PCDH7: variants seen among roughly 807,000 people sequenced by gnomAD.
The protein encoded by PCDH7 is protocadherin 7.
A neutral mutation model predicts 58.9 loss-of-function variants in PCDH7; 17 were observed. The ratio of observed to expected loss-of-function variants is 0.29; its 90% confidence interval spans 0.20 to 0.43. PCDH7 has a LOEUF of 0.43. Ranked by LOEUF, PCDH7 falls within the 20% of genes least tolerant of loss-of-function variation. The pLI, the probability that PCDH7 is intolerant of heterozygous loss-of-function variation, is 1.00. For missense variants in PCDH7, 1,274 were observed against 1,441.0 expected (o/e 0.88, Z 1.88); for synonymous variants, 664 against 616.4 (o/e 1.08, Z -1.14).
intron 3 of PCDH7, among the ~76,000 whole-genome samples, chr4:31,070,312 T>C (rs954103): frequency 0.07 from 10,673 of 152,076 alleles, 535 homozygotes; most frequent in Middle Eastern, 0.12. Context: ...TGAAACAAAA[T>C]GGGCATAATT....
chr4:30,934,496 G>A (rs1158973524), intron 2 of PCDH7, among the ~76,000 whole-genome samples: 1 of 151,970 alleles, frequency 6.6e-6, no homozygotes, highest in Non-Finnish European at 1.5e-5. Flanking sequence ...ATTTTTGAAG[G>A]AGAATTAGAG....
At chr4:30,780,986 G>A (rs1212499057) in intron 1 of PCDH7, among the ~76,000 whole-genome samples, 1 of 152,088 alleles carries the variant, frequency 6.6e-6, no homozygotes, top group Non-Finnish European at 1.5e-5. Flanking sequence ...AAAAATGTAA[G>A]AGCCAAGTAA....
chr4:30,721,060 G>A lies in PCDH7; in HGVS notation c.-363G>A. 1 of 231,410 alleles carries A rather than the reference G, an allele frequency of 4.3e-6. No homozygotes were observed. Among genetic ancestry groups the A allele is most frequent in the Non-Finnish European group, 8.3e-6 (1 of 120,594 alleles). 14.3% of individuals were successfully genotyped at this position (231,410 alleles called of 1,614,324 possible). A position where few individuals can be genotyped will look rare whatever the true frequency, so the allele number is the denominator to read the frequency against. On this transcript the variant is annotated 5_prime_UTR_variant, in exon 1 of 2. Coordinates refer to ENST00000361762, the Ensembl canonical transcript of PCDH7. This position sits in a 1 kb window ranked among gnomAD's most constrained non-coding sequence, Gnocchi z 6.7. The stretch of plus-strand genomic sequence containing the variant: ...GACTAGAGCCGGGGATTCTCCGCCC[G>A]CTGAGGGGATGACTCTGGGTTGGGG...
chr4:30,918,568 A>G (rs1014813275), intron 1 of PCDH7, among the ~76,000 whole-genome samples: 2 of 152,172 alleles, frequency 1.3e-5, no homozygotes, highest in Non-Finnish European at 2.9e-5. Flanking sequence ...AATCCATAAC[A>G]TACATGCTAT....
intron 3 of PCDH7, among the ~76,000 whole-genome samples, chr4:30,955,800 C>G (rs529682544): frequency 1.3e-5 from 2 of 151,924 alleles, no homozygotes; most frequent in Non-Finnish European, 2.9e-5. Flanking sequence ...CGTCCCGCCC[C>G]GGCCTCTCAA....
chr4:31,093,321 T>TG (rs1358939945), intron 3 of PCDH7, among the ~76,000 whole-genome samples: 12 of 152,290 alleles, frequency 7.9e-5, no homozygotes, highest in Non-Finnish European at 1.8e-4. Flanking sequence ...GCTTCCCTCT[T>TG]GCTGTAAGCA....
intron 1 of PCDH7, among the ~76,000 whole-genome samples, chr4:30,851,698 A>C (rs1246017733): frequency 1.7e-4 from 26 of 152,074 alleles, no homozygotes; most frequent in Admixed American, 1.7e-3. Flanking sequence ...CATCCTAAGA[A>C]ACTGAGTGTA....
At chr4:30,754,918 A>G (rs931565201) in intron 1 of PCDH7, among the ~76,000 whole-genome samples, 3 of 152,218 alleles carry the variant, frequency 2.0e-5, no homozygotes, top group African/African-American at 7.2e-5. Context: ...TGGGGAATCT[A>G]TTATACGCCA....
At position 30,815,024 on chromosome 4, in the gene PCDH7, C is replaced by T. The variant is rs150996273; in HGVS notation, c.70+90428C>T. 3.0e-3 allele frequency among the ~76,000 whole-genome samples: 461 copies of T among 151,938 alleles called. 3 individuals carry two copies. Among genetic ancestry groups the T allele is most frequent in the African/African-American group, 0.011 (435 of 41,418 alleles). On this transcript the variant is annotated intron_variant, in intron 1 of 3. Transcript: ENST00000509759. ...GACAGATTAACAAGCACAAAATAAACAGCAGTATATTAATAAAAAAGAGAA... is the reference window on the plus strand; with the variant it reads ...GACAGATTAACAAGCACAAAATAAATAGCAGTATATTAATAAAAAAGAGAA...
intron 3 of PCDH7, among the ~76,000 whole-genome samples, chr4:31,076,289 T>C (rs1287209774): frequency 6.6e-6 from 1 of 152,240 alleles, no homozygotes; most frequent in Non-Finnish European, 1.5e-5. Context: ...TGTTAACCTT[T>C]TGTGATACCA....
At chr4:30,757,234 C>A (rs1357129219) in intron 1 of PCDH7, among the ~76,000 whole-genome samples, 2 of 152,196 alleles carry the variant, frequency 1.3e-5, no homozygotes, top group Non-Finnish European at 2.9e-5. Context: ...ACCCATTCTG[C>A]TCCTTTTTCT....
At chr4:31,056,505 G>GAAAGAAAGAAAT (rs1229121564) in intron 3 of PCDH7, among the ~76,000 whole-genome samples, 2 of 115,120 alleles carry the variant, frequency 1.7e-5, no homozygotes, top group African/African-American at 3.4e-5. Context: ...AAGAAAGAAA[G>GAAAGAAAGAAAT]AAAGAAAGAA....
intron 3 of PCDH7, among the ~76,000 whole-genome samples, chr4:31,091,681 C>T (rs895758190): frequency 6.6e-6 from 1 of 151,878 alleles, no homozygotes; most frequent in East Asian, 1.9e-4. Flanking sequence ...TTAATTCCCA[C>T]TAATCTTCTA....
intron 3 of PCDH7, among the ~76,000 whole-genome samples, chr4:31,015,142 T>C (rs1303840388): frequency 6.6e-6 from 1 of 152,230 alleles, no homozygotes; most frequent in Non-Finnish European, 1.5e-5. Flanking sequence ...GACTTGGCAA[T>C]GAGAAAGTTC....
chr4:30,945,848 T>C (rs1345884616), intron 2 of PCDH7, among the ~76,000 whole-genome samples: 2 of 152,196 alleles, frequency 1.3e-5, no homozygotes, highest in Non-Finnish European at 2.9e-5. Context: ...CCAAGGCTGA[T>C]CTTAATTCCA....
At chr4:31,123,843 G>C (rs1191713485) in intron 3 of PCDH7, among the ~76,000 whole-genome samples, 1 of 152,070 alleles carries the variant, frequency 6.6e-6, no homozygotes, top group African/African-American at 2.4e-5. Context: ...GGAGGGAGAA[G>C]AGTTCGGAGA....
At chr4:30,816,251 A>AT (rs1250130173) in intron 1 of PCDH7, among the ~76,000 whole-genome samples, 1 of 152,154 alleles carries the variant, frequency 6.6e-6, no homozygotes, top group Non-Finnish European at 1.5e-5. Context: ...AAATGATGTC[A>AT]TGTTCTCTCT....
In PCDH7 at chr4:30,796,344, G is replaced by C. The variant is rs182947097; in HGVS notation, c.70+71748G>C. On this transcript the variant is annotated intron_variant, in intron 1 of 3. Coordinates refer to the PCDH7 transcript ENST00000509759. The stretch of plus-strand genomic sequence containing the variant: ...TACTGTTTAGTCTGAATTTGAAATT[G>C]ATAAGCCCTGATGACTGTTATTAGC... Among the ~76,000 whole-genome samples the C allele has an allele frequency of 9.1e-4, 138 of 152,260 alleles. No homozygotes were observed. The Middle Eastern group carries it at 0.01, about 11-fold the overall frequency.
At chr4:31,123,830 G>A (rs1452174952) in intron 3 of PCDH7, among the ~76,000 whole-genome samples, 1 of 152,096 alleles carries the variant, frequency 6.6e-6, no homozygotes, top group Non-Finnish European at 1.5e-5. Flanking sequence ...CTGGAAAGAG[G>A]ATGGAGGGAG....
Sources: gnomAD v4.1 joint callset for allele counts (sites outside exome capture counted in the v4.1 genomes callset) on GRCh38, gnomAD v4.1.1 for gene constraint, Gnocchi (gnomAD v3.1) non-coding constraint, MANE v1.5 for transcripts, NCBI Gene and HGNC (gene_info 2026-07-23, HGNC 2026-07-21) for gene names.